Variants in INSYN2B observed in about 807,000 individuals in gnomAD.
INSYN2B encodes inhibitory synaptic factor family member 2B, also known as protein INSYN2B.
A neutral mutation model predicts 41.2 loss-of-function variants in INSYN2B; 16 were observed. The observed-to-expected ratio is 0.39, with a 90% confidence interval of 0.26 to 0.59. INSYN2B has a LOEUF of 0.59. Ranked by LOEUF, INSYN2B falls within the 20% of genes least tolerant of loss-of-function variation. INSYN2B has a pLI of 0.57. For missense variants in INSYN2B, 608 were observed against 646.4 expected (o/e 0.94, Z 0.64); for synonymous variants, 245 against 244.4 (o/e 1.00, Z -0.02).
rs764752068 is a variant in INSYN2B at position 169,883,284 on chromosome 5, T to C, written c.615A>G (p.Pro205=). 3 of 1,551,658 alleles carry C rather than the reference T, an allele frequency of 1.9e-6. No individual in the cohort carries two copies. Among genetic ancestry groups the C allele is most frequent in the Middle Eastern group, 3.3e-4 (2 of 5,986 alleles). Residue 205 remains proline, a synonymous_variant, in exon 2 of 4, where the codon CCA becomes CCG. Coordinates refer to ENST00000377365, the MANE Select transcript of INSYN2B (RefSeq NM_001129891.3). The part of the protein sequence containing the change: ...LEKATAAIQV[P]DDIYHSPSWE... ...AGGAAGGACTGTGATAAATATCATC[T>C]GGAACCTGAATGGCAGCTGTGGCTT...
chr5:169,949,086 G>A (rs939367884), intron 1 of INSYN2B, among the ~76,000 whole-genome samples: 4 of 152,244 alleles, frequency 2.6e-5, no homozygotes, highest in Non-Finnish European at 5.9e-5. Context: ...AGCAGAGCAT[G>A]TGGATAAAAG....
chr5:169,919,002 A>G (rs1775029152), intron 1 of INSYN2B, among the ~76,000 whole-genome samples: 1 of 152,212 alleles, frequency 6.6e-6, no homozygotes, highest in Non-Finnish European at 1.5e-5. Flanking sequence ...AACCAGTAAC[A>G]AGGGTTATGT....
At chr5:169,885,043 A>G (rs1436013326) in intron 1 of INSYN2B, among the ~76,000 whole-genome samples, 1 of 152,142 alleles carries the variant, frequency 6.6e-6, no homozygotes, top group African/African-American at 2.4e-5. Flanking sequence ...CCATTTCTGC[A>G]CAGCACTCAG....
intron 3 of INSYN2B, among the ~76,000 whole-genome samples, chr5:169,874,328 G>A (rs953897668): frequency 1.4e-5 from 2 of 146,582 alleles, no homozygotes; most frequent in African/African-American, 2.5e-5. Flanking sequence ...CAGAAAAATC[G>A]CTTAAACCTG....
chr5:169,883,612 G>A lies in INSYN2B; in HGVS notation c.287C>T (p.Ala96Val), dbSNP rs758663090. 1 of 1,551,594 alleles carries A rather than the reference G, an allele frequency of 6.4e-7. No homozygotes were observed. The highest frequency in any genetic ancestry group is 2.0e-5 in the Admixed American group (1 of 50,998). The change falls in exon 2 of 4, where the codon GCA becomes GTA. Residue 96 changes from alanine to valine, a missense_variant. Physicochemically the swap from Ala to Val is moderately conservative, Grantham distance 64. Coordinates refer to ENST00000377365, the MANE Select transcript of INSYN2B (RefSeq NM_001129891.3). ...SQKAGGFRNI[A>V]IQTSPSLRKH... ...CCTGAGACTGGGGGAAGTTTGGATT[G>A]CAATGTTGCGAAAGCCCCCTGCCTT...
intron 1 of INSYN2B, among the ~76,000 whole-genome samples, chr5:169,950,730 G>A (rs920211992): frequency 1.3e-5 from 2 of 152,172 alleles, no homozygotes; most frequent in African/African-American, 4.8e-5. Flanking sequence ...TTCTTTCACA[G>A]CATCATTTGA....
At chr5:169,968,993 T>G (rs1777401860) in intron 1 of INSYN2B, among the ~76,000 whole-genome samples, 1 of 152,054 alleles carries the variant, frequency 6.6e-6, no homozygotes, top group African/African-American at 2.4e-5. Flanking sequence ...TACAAAAAAT[T>G]TTGAAAAATA....
chr5:169,908,146 C>G (rs919542487), intron 1 of INSYN2B, among the ~76,000 whole-genome samples: 1 of 152,136 alleles, frequency 6.6e-6, no homozygotes, highest in Non-Finnish European at 1.5e-5. Flanking sequence ...GGTTCAAGTT[C>G]ACTAATGCCA....
chr5:169,959,565 C>G (rs562276255), intron 1 of INSYN2B, among the ~76,000 whole-genome samples: 1 of 152,252 alleles, frequency 6.6e-6, no homozygotes, highest in African/African-American at 2.4e-5. Flanking sequence ...AGATTTCTCT[C>G]TCTTTGGAAT....
At chr5:169,873,405 C>T (rs1401130186) in intron 3 of INSYN2B, among the ~76,000 whole-genome samples, 1 of 152,196 alleles carries the variant, frequency 6.6e-6, no homozygotes, top group Admixed American at 6.5e-5. Context: ...GAGGGCATTG[C>T]TATGACGTTC....
At chr5:169,910,499 T>C (rs1336772395) in intron 1 of INSYN2B, among the ~76,000 whole-genome samples, 1 of 152,194 alleles carries the variant, frequency 6.6e-6, no homozygotes, top group Non-Finnish European at 1.5e-5. Flanking sequence ...GCTTACCTTT[T>C]CTCAGGCCTG....
chr5:169,938,195 A>C (rs1171768451), intron 1 of INSYN2B, among the ~76,000 whole-genome samples: 4 of 151,088 alleles, frequency 2.6e-5, no homozygotes, highest in African/African-American at 9.7e-5. Context: ...CACAGCTGCC[A>C]CCTTAAAGAA....
At chr5:169,867,334 C>G (rs1246957606) in intron 3 of INSYN2B, among the ~76,000 whole-genome samples, 2 of 152,162 alleles carry the variant, frequency 1.3e-5, no homozygotes, top group African/African-American at 2.4e-5. Context: ...AGGCCTAACT[C>G]ACCCAACGTG....
chr5:169,955,449 G>A (rs576432224), intron 1 of INSYN2B, among the ~76,000 whole-genome samples: 2 of 152,256 alleles, frequency 1.3e-5, no homozygotes, highest in African/African-American at 2.4e-5. Flanking sequence ...TGGACAGTAC[G>A]TGCTGTCACT....
At chr5:169,905,071 G>A (rs910023171) in intron 1 of INSYN2B, among the ~76,000 whole-genome samples, 17 of 152,208 alleles carry the variant, frequency 1.1e-4, no homozygotes, top group Non-Finnish European at 1.9e-4. Flanking sequence ...AGGATTCAGG[G>A]AGGCCGTGCA....
At chr5:169,929,918 C>A (rs1581432980) in intron 1 of INSYN2B, among the ~76,000 whole-genome samples, 1 of 152,238 alleles carries the variant, frequency 6.6e-6, no homozygotes, top group South Asian at 2.1e-4. Context: ...TAAACATATG[C>A]ATATTAAACA....
chr5:169,883,834 T>C lies in INSYN2B; in HGVS notation c.65A>G (p.Glu22Gly), dbSNP rs1046306653. ...GCGGTGGTGAGGTTGTTTCACAAAC[T>C]CCACTGATTCTAGACTGTTACGCTT... ...LLKRNSLESV[E>G]FVKQPHHRRS... Residue 22 changes from glutamate to glycine, a missense_variant, in exon 2 of 4, where the codon GAG becomes GGG. By Grantham distance (98) the Glu-to-Gly change is moderately conservative. Coordinates refer to ENST00000377365, the MANE Select transcript of INSYN2B (RefSeq NM_001129891.3). The C allele has an allele frequency of 3.9e-5, 60 of 1,547,446 alleles. No individual in the cohort carries two copies. The highest frequency in any genetic ancestry group is 4.9e-5 in the Non-Finnish European group (56 of 1,145,152).
chr5:169,900,130 A>ACACCT (rs1773838685), intron 1 of INSYN2B, among the ~76,000 whole-genome samples: 1 of 152,142 alleles, frequency 6.6e-6, no homozygotes, highest in African/African-American at 2.4e-5. Context: ...GGCATCAGGA[A>ACACCT]CACCTCCAAG....
At chr5:169,962,707 G>A (rs1284485986) in intron 1 of INSYN2B, among the ~76,000 whole-genome samples, 1 of 152,088 alleles carries the variant, frequency 6.6e-6, no homozygotes, top group African/African-American at 2.4e-5. Flanking sequence ...TAAAAAGTAG[G>A]GAATGATAAC....
Sources: gnomAD v4.1 joint callset for allele counts (sites outside exome capture counted in the v4.1 genomes callset) on GRCh38, gnomAD v4.1.1 for gene constraint, MANE v1.5 for transcripts, NCBI Gene and HGNC (gene_info 2026-07-23, HGNC 2026-07-21) for gene names.